The following ALPK1 variants were observed in gnomAD, a reference collection of about 807,000 sequenced individuals.
The protein encoded by ALPK1 is alpha kinase 1.
Under a neutral mutation model 120.6 loss-of-function variants are expected in ALPK1, and 110 were observed. That is an observed-to-expected ratio of 0.91 (90% CI 0.78 to 1.07). ALPK1 has a LOEUF of 1.07. Ranked by LOEUF, ALPK1 falls within the 50% of genes least tolerant of loss-of-function variation. The probability of loss-of-function intolerance (pLI) is 0.00; values close to 1 mark genes in which losing one functional copy is unlikely to be tolerated. For synonymous variants in ALPK1, 582 were observed against 560.3 expected (o/e 1.04, Z -0.55); for missense variants, 1,498 against 1,483.9 (o/e 1.01, Z -0.16).
chr4:112,301,468 A>G (rs1283794347), intron 1 of ALPK1, among the ~76,000 whole-genome samples: 2 of 152,068 alleles, frequency 1.3e-5, no homozygotes, highest in Non-Finnish European at 2.9e-5. Context: ...TCCATGCTAT[A>G]CAGACTCCTG....
intron 2 of ALPK1, among the ~76,000 whole-genome samples, chr4:112,363,738 T>C (rs1006761288): frequency 6.6e-6 from 1 of 152,090 alleles, no homozygotes; most frequent in Admixed American, 6.6e-5. Context: ...ATTGTTCTAC[T>C]GAACAACCAC....
chr4:112,412,339 A>G (rs1175702103), intron 5 of ALPK1: 3 of 534,764 alleles, frequency 5.6e-6, no homozygotes, highest in East Asian at 9.8e-5. Flanking sequence ...CTGAATTGCT[A>G]TACTTCTGAC....
At chr4:112,332,987 T>A (rs1444627385) in intron 2 of ALPK1, among the ~76,000 whole-genome samples, 1 of 152,202 alleles carries the variant, frequency 6.6e-6, no homozygotes, top group African/African-American at 2.4e-5. Context: ...CCAGTCTCCA[T>A]TTCATGGAAG....
chr4:112,403,888 T>C (rs1733039865), intron 4 of ALPK1, among the ~76,000 whole-genome samples: 1 of 152,214 alleles, frequency 6.6e-6, no homozygotes, highest in African/African-American at 2.4e-5. Flanking sequence ...TTAGGCAGTG[T>C]TCTCTGCTCA....
At chr4:112,306,459 CT>C (rs1364062012) in intron 1 of ALPK1, among the ~76,000 whole-genome samples, 4 of 152,092 alleles carry the variant, frequency 2.6e-5, no homozygotes, top group African/African-American at 9.7e-5. Context: ...GATTCAACTT[CT>C]TCCTGGTTTA....
chr4:112,300,085 G>A (rs761731201), intron 1 of ALPK1, among the ~76,000 whole-genome samples: 14 of 152,076 alleles, frequency 9.2e-5, no homozygotes, highest in East Asian at 1.9e-4. Context: ...TCATAAAGTC[G>A]TAATAACAAA....
chr4:112,313,280 G>C (rs1342585042), intron 1 of ALPK1, among the ~76,000 whole-genome samples: 1 of 152,350 alleles, frequency 6.6e-6, no homozygotes, highest in East Asian at 1.9e-4. Context: ...AAGAGATCTA[G>C]AAGAAGAGGA....
At chr4:112,304,329 T>A (rs1017228453) in intron 1 of ALPK1, among the ~76,000 whole-genome samples, 1 of 152,124 alleles carries the variant, frequency 6.6e-6, no homozygotes. Context: ...TGCCACACTG[T>A]CTTCCACAAT....
intron 12 of ALPK1, among the ~76,000 whole-genome samples, chr4:112,435,694 G>A (rs545729281): frequency 6.6e-6 from 1 of 152,360 alleles, no homozygotes; most frequent in Admixed American, 6.5e-5. Context: ...AAAAAAGGCA[G>A]GAAAATCCTG....
rs1334674126 is a variant in ALPK1 at position 112,431,808 on chromosome 4, A to G, written c.2261A>G (p.Asn754Ser). The change falls in exon 11 of 16, where the codon AAC (asparagine) becomes AGC (serine). Residue 754 changes from asparagine (N) to serine (S), a missense_variant. Transcript: ENST00000650871. ...ATAATTGTTGAGTTTCCAGAAACCA[A>G]CTGCGATGTCAAAGACAGGCAGGGG... ...FEIIVEFPET[N>S]CDVKDRQGKE... 1 of 1,614,162 alleles carries G rather than the reference A, an allele frequency of 6.2e-7. No homozygotes were observed. The highest frequency in any genetic ancestry group is 8.5e-7 in the Non-Finnish European group (1 of 1,180,008).
At position 112,382,385 on chromosome 4, in the gene ALPK1, C is replaced by T. The variant is rs745370589; in HGVS notation, c.122-13C>T. 2.7e-5 allele frequency: 43 copies of T among 1,583,158 alleles called. 2 individuals are homozygous for T. The South Asian group carries it at 4.4e-4, about 16-fold the overall frequency. On this transcript the variant is annotated splice_polypyrimidine_tract_variant and intron_variant, in intron 3 of 15. Transcript: ENST00000650871. ...TGACTGCAATTTCCTTACCTGAACT[C>T]TGACCTTTTCAGCTTTACTCCCCAG...
chr4:112,429,329 G>C, intron 10 of ALPK1, 76 bp downstream of exon 10: 1 of 1,186,752 alleles, frequency 8.4e-7, no homozygotes, highest in Non-Finnish European at 1.2e-6. Flanking sequence ...CAGTGAGAAG[G>C]GAAAGGTTTA....
chr4:112,324,977 G>GC (rs1271595529), intron 2 of ALPK1, among the ~76,000 whole-genome samples: 2 of 121,902 alleles, frequency 1.6e-5, no homozygotes, highest in African/African-American at 5.9e-5. Context: ...AAAAAAAAGG[G>GC]GGGGGGGGGC....
At chr4:112,335,535 T>A (rs1347772004) in intron 2 of ALPK1, among the ~76,000 whole-genome samples, 2 of 152,150 alleles carry the variant, frequency 1.3e-5, no homozygotes, top group Admixed American at 6.5e-5. Flanking sequence ...CTCACTGGAA[T>A]CCTGTTTGAG....
At position 112,429,205 on chromosome 4, in the gene ALPK1, G is replaced by A; in HGVS notation, c.852G>A (p.Leu284=). Residue 284 remains leucine, a synonymous_variant, in exon 10 of 16, where the codon CTG becomes CTA. Transcript: ENST00000650871. The part of the protein sequence containing the change: ...HLLSAAEACK[L]AAAFSAYTPL... ...TGTCCGCTGCAGAAGCCTGCAAGCT[G>A]GCAGCTGCCTTCAGTGCCTATACGC... is the stretch of plus-strand genomic sequence containing the variant. 6.2e-7 allele frequency: 1 copy of A among 1,613,254 alleles called. No individual in the cohort carries two copies. Among genetic ancestry groups the A allele is most frequent in the Non-Finnish European group, 8.5e-7 (1 of 1,180,000 alleles).
Position 112,344,381 on chromosome 4 carries a change from G to C in ALPK1, c.-101+28529G>C, listed in dbSNP as rs894858345. Among the ~76,000 whole-genome samples, 3 of 152,162 alleles carry C rather than the reference G, an allele frequency of 2.0e-5. No individual in the cohort carries two copies. The South Asian group carries it at 6.2e-4, about 32-fold the overall frequency. On this transcript the variant is annotated intron_variant, in intron 2 of 15. Transcript: ENST00000650871. ...GTGAAAATAGTGGGACTGAACAGTTGAATTAGACTTCTGACTTTTTGTCTG... is the reference window on the plus strand; with the variant it reads ...GTGAAAATAGTGGGACTGAACAGTTCAATTAGACTTCTGACTTTTTGTCTG...
intron 2 of ALPK1, among the ~76,000 whole-genome samples, chr4:112,334,675 T>C (rs900797184): frequency 1.3e-5 from 2 of 152,134 alleles, no homozygotes; most frequent in African/African-American, 4.8e-5. Flanking sequence ...TCCCAGGGGA[T>C]ATAGGGGAAA....
chr4:112,432,409 T>C lies in ALPK1; in HGVS notation c.2862T>C (p.Ser954=). ...GCCCTTGGTCCTATCTGAATTCCAG[T>C]GGGAGTTCTTGGGTTTCATTGCCGG... The part of the protein sequence containing the change: ...GDSPWSYLNS[S]GSSWVSLPGK... The change falls in exon 11 of 16, where the codon AGT becomes AGC. Residue 954 remains serine (S), a synonymous_variant. Coordinates refer to ENST00000650871, the MANE Select transcript of ALPK1 (RefSeq NM_025144.4). 1 of 1,614,120 alleles carries C rather than the reference T, an allele frequency of 6.2e-7. No homozygotes were observed. The highest frequency in any genetic ancestry group is 8.5e-7 in the Non-Finnish European group (1 of 1,180,020).
In ALPK1 at chr4:112,411,931, T is replaced by A. The variant is rs1042983017; in HGVS notation, c.381T>A (p.Leu127=). ...ATGGGCTCGACGTCTCTGGAAAACT[T>A]CTGCAGGTCGCCAAAGGTCTCCACA... ...FLYGLDVSGK[L]LQVAKGLHKL... The change falls in exon 5 of 16, where the codon CTT becomes CTA. Residue 127 remains leucine (L), a synonymous_variant. Transcript: ENST00000650871. 6 of 1,614,026 alleles carry A rather than the reference T, an allele frequency of 3.7e-6. No individual in the cohort carries two copies. The Admixed American group carries it at 5.0e-5, about 13-fold the overall frequency.
Sources: allele counts gnomAD v4.1 joint callset (sites outside exome capture counted in the v4.1 genomes callset), GRCh38; gene constraint gnomAD v4.1.1; transcripts MANE v1.5; gene names NCBI Gene and HGNC (gene_info 2026-07-23, HGNC 2026-07-21).